ARFIP1: variants seen among roughly 807,000 people sequenced by gnomAD.
The protein encoded by ARFIP1 is arfaptin-1.
In ARFIP1, 24 loss-of-function variants were observed where a neutral mutation model predicts 42.5. That is an observed-to-expected ratio of 0.57 (90% CI 0.41 to 0.80). The LOEUF (loss-of-function observed/expected upper bound fraction) is 0.80. ARFIP1 is among the 30% of genes least tolerant of loss of function. The pLI is 0.00. For synonymous variants in ARFIP1, 141 were observed against 153.7 expected (o/e 0.92, Z 0.61); for missense variants, 354 against 434.0 (o/e 0.82, Z 1.64).
At position 152,817,802 on chromosome 4, in the gene ARFIP1, A is replaced by G. The variant is rs1730024158; in HGVS notation, c.-9-11823A>G. 3.9e-5 allele frequency among the ~76,000 whole-genome samples: 6 copies of G among 152,364 alleles called. No individual in the cohort carries two copies. In the South Asian group the frequency reaches 1.2e-3, roughly 32 times the overall value. On this transcript the variant is annotated intron_variant, in intron 1 of 8. Transcript: ENST00000353617. Reference sequence around the variant, plus strand: ...ATTTTAAAATGGGCAAAGGACTTGAATAGATATTTCTACAAAGATGATATA... The same window carrying G: ...ATTTTAAAATGGGCAAAGGACTTGAGTAGATATTTCTACAAAGATGATATA...
intron 1 of ARFIP1, among the ~76,000 whole-genome samples, chr4:152,803,431 C>T (rs1415568311): frequency 6.6e-6 from 1 of 152,160 alleles, no homozygotes; most frequent in Non-Finnish European, 1.5e-5. Context: ...TTGTCTTAAA[C>T]AGCATTGTAC....
rs191482355 is a variant in ARFIP1 at position 152,848,291 on chromosome 4, C to A, written c.94-15315C>A. 7.2e-5 allele frequency among the ~76,000 whole-genome samples: 11 copies of A among 152,252 alleles called. No homozygotes were observed. In the East Asian group the frequency reaches 2.1e-3, roughly 29 times the overall value. On this transcript the variant is annotated intron_variant, in intron 2 of 8. Coordinates refer to ENST00000353617, the MANE Select transcript of ARFIP1 (RefSeq NM_001025595.3). ...GTTTGGTAACAGTTTTTGGCACTTACTACCAAAGAGGGCCTTTCAATAAAT... is the reference window on the plus strand; with the variant it reads ...GTTTGGTAACAGTTTTTGGCACTTAATACCAAAGAGGGCCTTTCAATAAAT...
chr4:152,866,383 G>A (rs1734341822), intron 3 of ARFIP1, among the ~76,000 whole-genome samples: 1 of 152,212 alleles, frequency 6.6e-6, no homozygotes, highest in African/African-American at 2.4e-5. Context: ...GAGCTGTTGG[G>A]TACACCTCCC....
At chr4:152,848,566 A>G (rs1023576067) in intron 2 of ARFIP1, among the ~76,000 whole-genome samples, 2 of 152,210 alleles carry the variant, frequency 1.3e-5, no homozygotes, top group African/African-American at 4.8e-5. Context: ...CTGCAATATC[A>G]TACACTACGA....
At position 152,880,959 on chromosome 4, in the gene ARFIP1, T is replaced by C; in HGVS notation, c.412-4T>C. The C allele has an allele frequency of 1.2e-6, 2 of 1,606,038 alleles. No individual in the cohort carries two copies. The highest frequency in any genetic ancestry group is 2.2e-5 in the East Asian group (1 of 44,820). On this transcript the variant is annotated splice_region_variant and splice_polypyrimidine_tract_variant and intron_variant, in intron 5 of 8. Transcript: ENST00000353617. ...TCTAAACAAAATGCATCTTCCACTT[T>C]TAGTGTACTCGACAGATTATCTCTG...
intron 1 of ARFIP1, among the ~76,000 whole-genome samples, chr4:152,799,234 A>G (rs1347071953): frequency 6.6e-6 from 1 of 152,246 alleles, no homozygotes; most frequent in Non-Finnish European, 1.5e-5. Context: ...ACATATGATT[A>G]TGGATAATTT....
chr4:152,789,622 A>G (rs899867383), intron 1 of ARFIP1, among the ~76,000 whole-genome samples: 4 of 152,164 alleles, frequency 2.6e-5, no homozygotes, highest in Non-Finnish European at 5.9e-5. Flanking sequence ...AAAATCTTCT[A>G]TAAGAGTTTT....
chr4:152,829,861 A>G, intron 2 of ARFIP1, 135 bp downstream of exon 2: 1 of 634,886 alleles, frequency 1.6e-6, no homozygotes, highest in South Asian at 3.5e-5. Context: ...ATGTTATTAT[A>G]TAGGGATGAC....
At chr4:152,902,097 AT>A (rs1406051280) in intron 8 of ARFIP1, among the ~76,000 whole-genome samples, 1 of 152,260 alleles carries the variant, frequency 6.6e-6, no homozygotes, top group Non-Finnish European at 1.5e-5. Context: ...GGAATAAGAC[AT>A]TCCTGAGTTT....
Position 152,847,124 on chromosome 4 carries a change from C to CTTTTTTTTT in ARFIP1, c.94-16466_94-16458dup, listed in dbSNP as rs771661005. On this transcript the variant is annotated intron_variant, in intron 2 of 8. Coordinates refer to ENST00000353617, the MANE Select transcript of ARFIP1 (RefSeq NM_001025595.3). ...GTATGTTAATGTTTTTAGGTTTGTT[C>CTTTTTTTTT]TTTTTTTTTTTTTTTTTTTTTTTTG... Among the ~76,000 whole-genome samples the CTTTTTTTTT allele has an allele frequency of 7.5e-3, 305 of 40,532 alleles. 47 individuals are homozygous for CTTTTTTTTT. The highest frequency in any genetic ancestry group is 0.016 in the South Asian group (13 of 812). The allele number at this position is 40,532 out of a possible 152,430, so 26.6% of individuals were successfully genotyped here. A position where few individuals can be genotyped will look rare whatever the true frequency, so the allele number is the denominator to read the frequency against.
At position 152,882,888 on chromosome 4, in the gene ARFIP1, A is replaced by G. The variant is rs185213821; in HGVS notation, c.791+8A>G. 2.0e-3 allele frequency: 3,183 copies of G among 1,599,206 alleles called. 3 individuals carry two copies. The highest frequency in any genetic ancestry group is 2.3e-3 in the Non-Finnish European group (2,725 of 1,174,286). ...ACAGTATGAAAGTGCCAGGTAAGGTATACATTTTCACTGTGTTGTCTGTTT... is the reference window on the plus strand; with the variant it reads ...ACAGTATGAAAGTGCCAGGTAAGGTGTACATTTTCACTGTGTTGTCTGTTT... On this transcript the variant is annotated splice_region_variant and intron_variant, in intron 7 of 8. Transcript: ENST00000353617.
chr4:152,864,378 ACAC>A (rs1477409228), intron 3 of ARFIP1, among the ~76,000 whole-genome samples: 1 of 152,232 alleles, frequency 6.6e-6, no homozygotes, highest in Non-Finnish European at 1.5e-5. Flanking sequence ...TTACATAGTG[ACAC>A]TCATGGCTAT....
chr4:152,808,811 G>A (rs1729214995), intron 1 of ARFIP1, among the ~76,000 whole-genome samples: 1 of 152,204 alleles, frequency 6.6e-6, no homozygotes, highest in Non-Finnish European at 1.5e-5. Context: ...GCTTTTGCCT[G>A]TAATCCCAGC....
At chr4:152,872,205 T>C (rs537700251) in intron 4 of ARFIP1, among the ~76,000 whole-genome samples, 1 of 152,222 alleles carries the variant, frequency 6.6e-6, no homozygotes, top group East Asian at 1.9e-4. Flanking sequence ...AGTTTTTTTG[T>C]TTGTTTGTTT....
At chr4:152,783,294 A>G (rs1042776747) in intron 1 of ARFIP1, among the ~76,000 whole-genome samples, 5 of 152,216 alleles carry the variant, frequency 3.3e-5, no homozygotes, top group African/African-American at 1.2e-4. Context: ...TGGCCAACAG[A>G]GTGAGACTCC....
intron 1 of ARFIP1, among the ~76,000 whole-genome samples, chr4:152,804,967 A>G (rs1390487415): frequency 6.6e-6 from 1 of 152,136 alleles, no homozygotes; most frequent in Non-Finnish European, 1.5e-5. Context: ...AATCATATTT[A>G]CTTCACCAGG....
chr4:152,796,233 A>T, intron 1 of ARFIP1: 5 of 920,388 alleles, frequency 5.4e-6, no homozygotes, highest in Non-Finnish European at 7.0e-6. Flanking sequence ...AGCGGGAATG[A>T]CGGATTCTTC....
intron 2 of ARFIP1, among the ~76,000 whole-genome samples, chr4:152,840,335 C>T (rs1254980121): frequency 6.6e-6 from 1 of 152,132 alleles, no homozygotes; most frequent in Non-Finnish European, 1.5e-5. Flanking sequence ...CTGTCTAGTG[C>T]TGTCAGTGGA....
intron 1 of ARFIP1, among the ~76,000 whole-genome samples, chr4:152,798,723 G>C (rs961062916): frequency 6.6e-6 from 1 of 152,122 alleles, no homozygotes; most frequent in Non-Finnish European, 1.5e-5. Flanking sequence ...GTACTTATTT[G>C]TGTGTATATT....
Sources: gnomAD v4.1 joint callset for allele counts (sites outside exome capture counted in the v4.1 genomes callset) on GRCh38, gnomAD v4.1.1 for gene constraint, MANE v1.5 for transcripts, NCBI Gene and HGNC (gene_info 2026-07-23, HGNC 2026-07-21) for gene names.